AQP9: variants seen among roughly 807,000 people sequenced by gnomAD.
AQP9 encodes aquaporin-9.
In AQP9, 19 loss-of-function variants were observed where a neutral mutation model predicts 23.8. The observed-to-expected ratio is 0.80, with a 90% CI of 0.56 to 1.17. The LOEUF is 1.17. AQP9 is among the 50% of genes most tolerant of loss of function. The pLI is 0.00. For synonymous variants in AQP9, 153 were observed against 131.5 expected (o/e 1.16, Z -1.12); for missense variants, 413 against 362.0 (o/e 1.14, Z -1.14).
At chr15:58,176,361 T>C (rs1898753606) in intron 4 of AQP9, among the ~76,000 whole-genome samples, 1 of 151,968 alleles carries the variant, frequency 6.6e-6, no homozygotes, top group Admixed American at 6.6e-5. Flanking sequence ...CTACCAAAAA[T>C]ACAAAAATTA....
At chr15:58,138,978 T>G (rs1897906809) in intron 1 of AQP9, among the ~76,000 whole-genome samples, 1 of 152,230 alleles carries the variant, frequency 6.6e-6, no homozygotes, top group Non-Finnish European at 1.5e-5. Context: ...GATTTAAAAG[T>G]CAGTCGTTAG....
At chr15:58,142,665 C>T (rs1207812069) in intron 1 of AQP9, among the ~76,000 whole-genome samples, 5 of 152,204 alleles carry the variant, frequency 3.3e-5, no homozygotes, top group African/African-American at 9.6e-5. Context: ...CTCAAGACCA[C>T]TCTTTTGGTT....
rs1474924571 is a variant in AQP9 at position 58,174,951 on chromosome 15, T to C, written c.410T>C (p.Leu137Pro). 5.0e-6 allele frequency: 8 copies of C among 1,614,228 alleles called. No homozygotes were observed. The highest frequency in any genetic ancestry group is 6.8e-6 in the Non-Finnish European group (8 of 1,180,016). Residue 137 changes from leucine (L) to proline (P), a missense_variant, in exon 4 of 6, where the codon CTG becomes CCG. Coordinates refer to ENST00000219919, the MANE Select transcript of AQP9 (RefSeq NM_020980.5). ...GLMSFAGGKL[L>P]IVGENATAHI... is the part of the protein sequence containing the mutation. The stretch of plus-strand genomic sequence containing the variant: ...ATGTCCTTTGCTGGTGGAAAACTGC[T>C]GATCGTGGGAGAAAATGCAACAGCA...
intron 1 of AQP9, among the ~76,000 whole-genome samples, chr15:58,145,827 A>C (rs1036002873): frequency 6.6e-6 from 1 of 152,296 alleles, no homozygotes; most frequent in Admixed American, 6.5e-5. Flanking sequence ...AGGGTGTGTG[A>C]CAGATGAACT....
At chr15:58,154,676 T>C (rs539996398) in intron 1 of AQP9, among the ~76,000 whole-genome samples, 5 of 152,194 alleles carry the variant, frequency 3.3e-5, no homozygotes, top group Admixed American at 6.5e-5. Context: ...CCCTCATGTT[T>C]CAGGATACTC....
chr15:58,159,943 A>G (rs531376094), intron 1 of AQP9, among the ~76,000 whole-genome samples: 1 of 152,346 alleles, frequency 6.6e-6, no homozygotes, highest in African/African-American at 2.4e-5. Flanking sequence ...TATTTTGGCT[A>G]TTGTGAATAG....
intron 1 of AQP9, among the ~76,000 whole-genome samples, chr15:58,149,488 A>G (rs1898109182): frequency 6.6e-6 from 1 of 152,190 alleles, no homozygotes; most frequent in East Asian, 1.9e-4. Flanking sequence ...TTGGTTTCCT[A>G]GTTTGTAAAA....
intron 1 of AQP9, among the ~76,000 whole-genome samples, chr15:58,161,465 G>A (rs180833955): frequency 6.6e-6 from 1 of 152,236 alleles, no homozygotes; most frequent in East Asian, 1.9e-4. Context: ...TGCCAATTAT[G>A]AAATGGCCCA....
intron 1 of AQP9, among the ~76,000 whole-genome samples, chr15:58,165,955 G>A (rs1898492530): frequency 1.3e-5 from 2 of 152,194 alleles, no homozygotes; most frequent in Non-Finnish European, 2.9e-5. Context: ...ATGAGAATAA[G>A]GGGGTCCTGA....
intron 4 of AQP9, among the ~76,000 whole-genome samples, chr15:58,177,581 T>TG (rs574418479): frequency 2.3e-4 from 35 of 152,372 alleles, no homozygotes; most frequent in Middle Eastern, 6.8e-3. Context: ...ATCAGTTGCC[T>TG]GGTTCCCATC....
intron 2 of AQP9, among the ~76,000 whole-genome samples, chr15:58,168,492 T>A (rs1898555644): frequency 6.6e-6 from 1 of 152,116 alleles, no homozygotes. Flanking sequence ...CCTTGGGAGC[T>A]CCTTGGGCTG....
At chr15:58,180,415 G>GATA (rs1396061838) in intron 5 of AQP9, among the ~76,000 whole-genome samples, 1 of 152,174 alleles carries the variant, frequency 6.6e-6, no homozygotes, top group Non-Finnish European at 1.5e-5. Flanking sequence ...CACCACCACA[G>GATA]ATAGCACTCA....
intron 1 of AQP9, among the ~76,000 whole-genome samples, chr15:58,162,545 T>G (rs1329750524): frequency 2.0e-5 from 3 of 152,308 alleles, no homozygotes; most frequent in African/African-American, 7.2e-5. Flanking sequence ...AACACCTATT[T>G]AGGATGTTGT....
chr15:58,146,867 A>C (rs1874156), intron 1 of AQP9: 14,363 of 152,230 alleles, frequency 0.094, 1,090 homozygotes, highest in African/African-American at 0.18. Context: ...GCACTCTGTG[A>C]CCTTTCTCCC....
intron 1 of AQP9, among the ~76,000 whole-genome samples, chr15:58,159,196 G>T (rs1178594715): frequency 6.6e-6 from 1 of 152,070 alleles, no homozygotes; most frequent in Non-Finnish European, 1.5e-5. Flanking sequence ...TGGCTCAGTT[G>T]AGAACTGCCC....
At chr15:58,177,582 G>A (rs1323733828) in intron 4 of AQP9, among the ~76,000 whole-genome samples, 2 of 152,118 alleles carry the variant, frequency 1.3e-5, no homozygotes, top group African/African-American at 4.8e-5. Context: ...TCAGTTGCCT[G>A]GTTCCCATCC....
chr15:58,178,398 A>G (rs981070103), intron 4 of AQP9, among the ~76,000 whole-genome samples: 1 of 152,242 alleles, frequency 6.6e-6, no homozygotes, highest in Admixed American at 6.5e-5. Flanking sequence ...AAATTTTGCT[A>G]AAGTGGACAT....
At chr15:58,174,049 A>G (rs1364942749) in intron 3 of AQP9, among the ~76,000 whole-genome samples, 2 of 152,118 alleles carry the variant, frequency 1.3e-5, no homozygotes, top group Non-Finnish European at 2.9e-5. Context: ...TTTGGGAGGC[A>G]TAAGTGGGAG....
intron 1 of AQP9, among the ~76,000 whole-genome samples, chr15:58,145,685 G>C (rs946264413): frequency 4.0e-5 from 6 of 151,634 alleles, no homozygotes; most frequent in Non-Finnish European, 7.4e-5. Flanking sequence ...AAATATTTTT[G>C]TTTGCTTATT....
Sources: gnomAD v4.1 joint callset for allele counts (sites outside exome capture counted in the v4.1 genomes callset) on GRCh38, gnomAD v4.1.1 for gene constraint, MANE v1.5 for transcripts, NCBI Gene and HGNC (gene_info 2026-07-23, HGNC 2026-07-21) for gene names.